Variants in NEK10 observed in about 807,000 individuals in gnomAD.
NEK10 encodes the protein serine/threonine-protein kinase Nek10.
NEK10 carries 122 observed loss-of-function variants against 159.8 expected under a neutral mutation model. The ratio of observed to expected loss-of-function variants is 0.76; its 90% CI spans 0.66 to 0.89. NEK10 has a LOEUF of 0.89. NEK10 is among the 40% of genes least tolerant of loss of function. The probability of loss-of-function intolerance (pLI) is 0.00; values close to 1 mark genes in which losing one functional copy is unlikely to be tolerated. For missense variants in NEK10, 1,342 were observed against 1,323.1 expected (o/e 1.01, Z -0.22); for synonymous variants, 466 against 457.1 (o/e 1.02, Z -0.25).
intron 26 of NEK10, among the ~76,000 whole-genome samples, chr3:27,175,625 C>G (rs986216324): frequency 6.6e-6 from 1 of 152,134 alleles, no homozygotes; most frequent in Admixed American, 6.6e-5. Flanking sequence ...TAAAAAAGTA[C>G]CACTTGTTTC....
chr3:27,146,136 T>A (rs569547787), intron 30 of NEK10, among the ~76,000 whole-genome samples: 4 of 152,334 alleles, frequency 2.6e-5, no homozygotes, highest in African/African-American at 9.6e-5. Flanking sequence ...AAGCATTAGG[T>A]CTTTACAGCT....
At chr3:27,252,321 A>G in intron 23 of NEK10, 1 of 430,684 alleles carries the variant, frequency 2.3e-6, no homozygotes, top group Admixed American at 2.5e-5. Flanking sequence ...AGCAAAGAGC[A>G]GAATGAAGTA....
chr3:27,292,923 A>G (rs1034721903), intron 16 of NEK10, among the ~76,000 whole-genome samples: 14 of 152,198 alleles, frequency 9.2e-5, no homozygotes, highest in Non-Finnish European at 2.1e-4. Flanking sequence ...CTGAACAAAA[A>G]ATACTATATT....
rs750452414 is a variant in NEK10, at chr3:27,297,227, G to C, written c.1182C>G (p.Ala394=). The part of the protein sequence containing the change: ...TFSLQAACCA[A]LTELVLNDTN... ...TGTCATTGAGCACCAGCTCAGTGAG[G>C]GCAGCACAGCAGGCTGGAATGACAA... The change falls in exon 14 of 36, where the codon GCC becomes GCG. Residue 394 remains alanine (A), a synonymous_variant. Coordinates refer to ENST00000691995, the MANE Select transcript of NEK10 (RefSeq NM_001394966.1). The C allele has an allele frequency of 6.2e-7, 1 of 1,612,352 alleles. No individual in the cohort carries two copies. Among genetic ancestry groups the C allele is most frequent in the African/African-American group, 1.3e-5 (1 of 74,904 alleles).
chr3:27,113,751 A>G (rs1238805783), intron 35 of NEK10, among the ~76,000 whole-genome samples: 2 of 152,224 alleles, frequency 1.3e-5, no homozygotes, highest in African/African-American at 4.8e-5. Context: ...AGTAGAATTG[A>G]AAAAGAATAA....
At chr3:27,342,038 T>C (rs529134994) in intron 5 of NEK10, among the ~76,000 whole-genome samples, 37 of 152,222 alleles carry the variant, frequency 2.4e-4, no homozygotes, top group African/African-American at 8.4e-4. Context: ...TTTTCCTTTA[T>C]TGTGTAATTG....
intron 32 of NEK10, among the ~76,000 whole-genome samples, chr3:27,124,483 G>A (rs1208107406): frequency 6.6e-6 from 1 of 152,084 alleles, no homozygotes; most frequent in Non-Finnish European, 1.5e-5. Context: ...TACCCTCTAA[G>A]GCAAGTATTA....
intron 31 of NEK10, among the ~76,000 whole-genome samples, chr3:27,140,541 T>A (rs1444040933): frequency 6.6e-6 from 1 of 152,198 alleles, no homozygotes; most frequent in Admixed American, 6.5e-5. Flanking sequence ...TTTTAATGAT[T>A]TTTTGTTTTG....
At position 27,116,123 on chromosome 3, in the gene NEK10, T is replaced by C; in HGVS notation, c.3195A>G (p.Leu1065=). The change falls in exon 34 of 36, where the codon TTA becomes TTG. Residue 1065 remains leucine (L), a synonymous_variant. Transcript: ENST00000691995. The part of the protein sequence containing the change: ...NSLSPNDPTG[L]PTSIELEEGI... ...CTTCCTCCAATTCAATGCTGGTTGG[T>C]AAACCTAAAAAAGATAAATTATGGA... 1.2e-6 allele frequency: 2 copies of C among 1,613,348 alleles called. No homozygotes were observed. Among genetic ancestry groups the C allele is most frequent in the South Asian group, 1.1e-5 (1 of 91,058 alleles).
intron 23 of NEK10, among the ~76,000 whole-genome samples, chr3:27,225,376 T>A (rs1559644049): frequency 6.6e-6 from 1 of 152,164 alleles, no homozygotes; most frequent in Admixed American, 6.5e-5. Context: ...TATCCTTCAA[T>A]CCAATCAAGT....
chr3:27,121,125 T>C (rs1941243998), intron 32 of NEK10, among the ~76,000 whole-genome samples: 1 of 152,186 alleles, frequency 6.6e-6, no homozygotes, highest in Admixed American at 6.5e-5. Flanking sequence ...TCAAAAGACA[T>C]GTATAAGAAT....
At chr3:27,260,025 G>A (rs1261554483) in intron 22 of NEK10, among the ~76,000 whole-genome samples, 6 of 152,234 alleles carry the variant, frequency 3.9e-5, no homozygotes, top group Admixed American at 3.9e-4. Flanking sequence ...ATGTTTTTCT[G>A]TTATTGGTGT....
intron 30 of NEK10, among the ~76,000 whole-genome samples, chr3:27,152,265 G>T (rs1465393971): frequency 6.6e-6 from 1 of 152,122 alleles, no homozygotes; most frequent in Non-Finnish European, 1.5e-5. Context: ...AACCTATAAA[G>T]GAAAACCTAT....
Position 27,312,324 on chromosome 3 carries a change from C to T in NEK10, c.490-147G>A, listed in dbSNP as rs574075151. On this transcript the variant is annotated intron_variant, in intron 7 of 35. Coordinates refer to ENST00000691995, the MANE Select transcript of NEK10 (RefSeq NM_001394966.1). ...ACTCTCATGCTCCTGGAACAGTTATCGCTCAAGTGCAAAAGGTGACTGGGT... is the reference window on the plus strand; with the variant it reads ...ACTCTCATGCTCCTGGAACAGTTATTGCTCAAGTGCAAAAGGTGACTGGGT... 5.3e-5 allele frequency: 26 copies of T among 493,262 alleles called. 1 individual carries two copies. In the South Asian group the frequency reaches 7.5e-4, roughly 14 times the overall value. The allele number at this position is 493,262 out of a possible 1,614,324, so 30.6% of individuals were successfully genotyped here.
rs139979886 is a variant in NEK10 at position 27,197,903 on chromosome 3, C to T, written c.2291+3607G>A. Among the ~76,000 whole-genome samples, 33 of 152,038 alleles carry T rather than the reference C, an allele frequency of 2.2e-4. No individual in the cohort carries two copies. In the East Asian group the frequency reaches 5.4e-3, roughly 25 times the overall value. On this transcript the variant is annotated intron_variant, in intron 25 of 35. Coordinates refer to ENST00000691995, the MANE Select transcript of NEK10 (RefSeq NM_001394966.1). ...TATTGGTGTGCTGCACCCATTAACT[C>T]GTCAATACTATGTTGAAGTATTGTC... is the stretch of plus-strand genomic sequence containing the variant.
At chr3:27,263,632 T>A (rs2040618610) in intron 22 of NEK10, among the ~76,000 whole-genome samples, 1 of 152,128 alleles carries the variant, frequency 6.6e-6, no homozygotes, top group East Asian at 1.9e-4. Flanking sequence ...CGGGATATAA[T>A]CTCCTGGTGT....
intron 6 of NEK10, among the ~76,000 whole-genome samples, chr3:27,319,969 C>T (rs959588432): frequency 1.4e-4 from 22 of 152,164 alleles, no homozygotes; most frequent in African/African-American, 4.3e-4. Context: ...ATGAAAAAGG[C>T]ATGCTGAGAG....
At position 27,354,022 on chromosome 3, in the gene NEK10, G is replaced by A. The variant is rs138514154; in HGVS notation, c.-37-1103C>T. On this transcript the variant is annotated intron_variant, in intron 1 of 35. Transcript: ENST00000691995. ...TAATATGCAAATACAAAAATGCCCC[G>A]TAAGTTCTAAAATAAATGGAAATCC... Among the ~76,000 whole-genome samples, 1,345 of 152,234 alleles carry A rather than the reference G, an allele frequency of 8.8e-3. 6 individuals carry two copies. The highest frequency in any genetic ancestry group is 0.013 in the Non-Finnish European group (871 of 68,006).
At chr3:27,198,331 C>CAAAAAAAAAAAAAAAA in intron 25 of NEK10, among the ~76,000 whole-genome samples, 1 of 102,052 alleles carries the variant, frequency 9.8e-6, no homozygotes, top group South Asian at 3.5e-4. Flanking sequence ...CAATCCTAAG[C>CAAAAAAAAAAAAAAAA]AAAAAAAAAA....
Sources: gnomAD v4.1 joint callset for allele counts (sites outside exome capture counted in the v4.1 genomes callset) on GRCh38, gnomAD v4.1.1 for gene constraint, MANE v1.5 for transcripts, NCBI Gene and HGNC (gene_info 2026-07-23, HGNC 2026-07-21) for gene names.